GRAMD1B: variants seen among roughly 807,000 people sequenced by gnomAD.
GRAMD1B encodes GRAM domain containing 1B.
In GRAMD1B, 37 loss-of-function variants were observed where a neutral mutation model predicts 99.7. The ratio of observed to expected loss-of-function variants is 0.37; its 90% confidence interval spans 0.29 to 0.49. The LOEUF (loss-of-function observed/expected upper bound fraction) is 0.49. GRAMD1B is among the 20% of genes least tolerant of loss of function. The probability of loss-of-function intolerance (pLI) is 0.98; values close to 1 mark genes in which losing one functional copy is unlikely to be tolerated. For synonymous variants in GRAMD1B, 427 were observed against 387.6 expected (o/e 1.10, Z -1.19); for missense variants, 888 against 1,009.2 (o/e 0.88, Z 1.63).
chr11:123,523,345 A>T lies in GRAMD1B; in HGVS notation c.452+42452A>T, dbSNP rs76658348. On this transcript the variant is annotated intron_variant, in intron 2 of 19. Transcript: ENST00000635736. ...AGACTCCATCTCAAAATAAATAAATAAATTAAAAAGACACTACAGTTAGTC... is the reference window on the plus strand; with the variant it reads ...AGACTCCATCTCAAAATAAATAAATTAATTAAAAAGACACTACAGTTAGTC... Among the ~76,000 whole-genome samples, 1,269 of 152,290 alleles carry T rather than the reference A, an allele frequency of 8.3e-3. 16 individuals are homozygous for T. The highest frequency in any genetic ancestry group is 0.028 in the African/African-American group (1,180 of 41,550).
At position 123,561,795 on chromosome 11, in the gene GRAMD1B, C is replaced by T. The variant is rs17127460; in HGVS notation, c.453-15572C>T. On this transcript the variant is annotated intron_variant, in intron 2 of 19. Coordinates refer to ENST00000635736, the MANE Select transcript of GRAMD1B (RefSeq NM_001387025.1). ...TCTAGCCTTTGCCTTGGATAGCACT[C>T]GGCAGGTTAGAGAAGTTTGGAACCA... 7.6e-3 allele frequency among the ~76,000 whole-genome samples: 1,162 copies of T among 152,224 alleles called. 12 individuals carry two copies. Among genetic ancestry groups the T allele is most frequent in the African/African-American group, 0.026 (1,098 of 41,528 alleles).
At chr11:123,561,110 T>C (rs1946717092) in intron 2 of GRAMD1B, among the ~76,000 whole-genome samples, 1 of 152,124 alleles carries the variant, frequency 6.6e-6, no homozygotes, top group Non-Finnish European at 1.5e-5. Flanking sequence ...AGGGTGATGA[T>C]GGTCTCCTTG....
Position 123,588,071 on chromosome 11 carries a change from G to T in GRAMD1B, c.684+3739G>T, listed in dbSNP as rs993329942. Reference sequence around the variant, plus strand: ...GCCTCAGTCTCCCTTTCCCTCCTTTGCTCAGTTACGTCCTCGTCTCCCGTC... The same window carrying T: ...GCCTCAGTCTCCCTTTCCCTCCTTTTCTCAGTTACGTCCTCGTCTCCCGTC... On this transcript the variant is annotated intron_variant, in intron 4 of 19. Transcript: ENST00000635736. Among the ~76,000 whole-genome samples, 17 of 136,380 alleles carry T rather than the reference G, an allele frequency of 1.2e-4. No individual in the cohort carries two copies. In the Admixed American group the frequency reaches 1.4e-3, roughly 11 times the overall value. 89.5% of individuals were successfully genotyped at this position (136,380 alleles called of 152,430 possible).
intron 1 of GRAMD1B, among the ~76,000 whole-genome samples, chr11:123,463,702 G>A (rs905363870): frequency 3.3e-5 from 5 of 152,194 alleles, no homozygotes; most frequent in Non-Finnish European, 5.9e-5. Flanking sequence ...CAAGGGAAGG[G>A]ACAGGCCTCT....
intron 1 of GRAMD1B, chr11:123,431,949 G>T (rs1948914046): frequency 2.5e-6 from 1 of 396,906 alleles, no homozygotes; most frequent in South Asian, 1.3e-4. Flanking sequence ...CCCTTGCCTG[G>T]TGGAGGGCAG....
chr11:123,389,195 T>C (rs1207680448), intron 1 of GRAMD1B, among the ~76,000 whole-genome samples: 1 of 151,936 alleles, frequency 6.6e-6, no homozygotes, highest in African/African-American at 2.4e-5. Flanking sequence ...CCATCCTGGC[T>C]AACATGGTGA....
chr11:123,497,204 C>G (rs1318260649), intron 2 of GRAMD1B, among the ~76,000 whole-genome samples: 1 of 152,162 alleles, frequency 6.6e-6, no homozygotes, highest in Non-Finnish European at 1.5e-5. Context: ...TGGAGAACAT[C>G]AAGAAGAATT....
intron 1 of GRAMD1B, among the ~76,000 whole-genome samples, chr11:123,449,714 CTT>C (rs767104181): frequency 2.8e-4 from 28 of 99,912 alleles, no homozygotes; most frequent in Admixed American, 4.9e-4. Flanking sequence ...CCATGCCTGG[CTT>C]TTTTTTTTTT....
In GRAMD1B at chr11:123,610,347, T is replaced by TGTGGAAGTCCCA; in HGVS notation, c.1919+13_1919+24dup. 1 of 1,613,656 alleles carries TGTGGAAGTCCCA rather than the reference T, an allele frequency of 6.2e-7. No homozygotes were observed. The highest frequency in any genetic ancestry group is 8.5e-7 in the Non-Finnish European group (1 of 1,179,640). On this transcript the variant is annotated intron_variant, in intron 14 of 19. Transcript: ENST00000635736. The surrounding 1 kb of genome is among the most constrained non-coding windows in gnomAD (Gnocchi z 4.1). Reference sequence around the variant, plus strand: ...AACAAGAGCCGACTCAGGTGTGGTGTGTGGAAGTCCCAGTGCGGTCAGACG... The same window carrying TGTGGAAGTCCCA: ...AACAAGAGCCGACTCAGGTGTGGTGTGTGGAAGTCCCAGTGGAAGTCCCAGTGCGGTCAGACG...
At position 123,610,487 on chromosome 11, in the gene GRAMD1B, A is replaced by C. The variant is rs908402756; in HGVS notation, c.1919+149A>C. ...TTCTCTCCGAAGCCTTATGAGGCTCACCCACCACTCTGTTTGAGTTAATTA... is the reference window on the plus strand; with the variant it reads ...TTCTCTCCGAAGCCTTATGAGGCTCCCCCACCACTCTGTTTGAGTTAATTA... On this transcript the variant is annotated intron_variant, in intron 14 of 19. Coordinates refer to ENST00000635736, the MANE Select transcript of GRAMD1B (RefSeq NM_001387025.1). This position sits in a 1 kb window ranked among gnomAD's most constrained non-coding sequence, Gnocchi z 4.1. 3.0e-5 allele frequency: 22 copies of C among 731,130 alleles called. No homozygotes were observed. Among genetic ancestry groups the C allele is most frequent in the East Asian group, 1.8e-4 (7 of 39,178 alleles). The allele number at this position is 731,130 out of a possible 1,614,324, so 45.3% of individuals were successfully genotyped here.
intron 2 of GRAMD1B, among the ~76,000 whole-genome samples, chr11:123,569,107 A>G (rs531228863): frequency 8.0e-6 from 1 of 124,436 alleles, no homozygotes; most frequent in South Asian, 3.1e-4. Flanking sequence ...CTTGGTGGAC[A>G]GTCGTGTCAT....
At chr11:123,461,992 G>T (rs7112980) in intron 1 of GRAMD1B, among the ~76,000 whole-genome samples, 6 of 143,180 alleles carry the variant, frequency 4.2e-5, no homozygotes, top group Non-Finnish European at 9.1e-5. Flanking sequence ...TTTGAAATGG[G>T]ATCTTGCTCT....
intron 2 of GRAMD1B, among the ~76,000 whole-genome samples, chr11:123,489,398 A>G (rs1938285726): frequency 6.6e-6 from 1 of 152,218 alleles, no homozygotes; most frequent in South Asian, 2.1e-4. Flanking sequence ...ATGGAAGAGC[A>G]CAGCAATGAG....
chr11:123,589,216 G>A (rs994138016), intron 4 of GRAMD1B, among the ~76,000 whole-genome samples: 1 of 151,686 alleles, frequency 6.6e-6, no homozygotes, highest in African/African-American at 2.4e-5. Context: ...CACGGCAAGT[G>A]CAGTAGAAGA....
At chr11:123,541,105 C>G (rs959299005) in intron 2 of GRAMD1B, among the ~76,000 whole-genome samples, 1 of 152,142 alleles carries the variant, frequency 6.6e-6, no homozygotes, top group Non-Finnish European at 1.5e-5. Flanking sequence ...TCCCGAGTAG[C>G]TGGTATTACA....
At chr11:123,597,110 A>G (rs1951362252) in intron 7 of GRAMD1B, among the ~76,000 whole-genome samples, 1 of 150,600 alleles carries the variant, frequency 6.6e-6, no homozygotes, top group Non-Finnish European at 1.5e-5. Context: ...CTGCAGGCCA[A>G]TTCCAAAGAG....
intron 1 of GRAMD1B, among the ~76,000 whole-genome samples, chr11:123,441,237 G>A (rs1210266379): frequency 6.6e-6 from 1 of 151,884 alleles, no homozygotes; most frequent in Non-Finnish European, 1.5e-5. Context: ...AACTAAGAAT[G>A]AGTACTCACT....
At chr11:123,519,459 G>A (rs1013053729) in intron 2 of GRAMD1B, among the ~76,000 whole-genome samples, 1 of 152,172 alleles carries the variant, frequency 6.6e-6, no homozygotes, top group African/African-American at 2.4e-5. Context: ...GGAGTGTTTA[G>A]GAGGCTGTTC....
chr11:123,510,360 G>A lies in GRAMD1B; in HGVS notation c.452+29467G>A, dbSNP rs1940869896. ...TGTGCCCTCTCCCTCTCAACAGGGG[G>A]AGCCTGGGAAGACCCACACTTCGCT... On this transcript the variant is annotated intron_variant, in intron 2 of 19. Transcript: ENST00000635736. This position sits in a 1 kb window ranked among gnomAD's most constrained non-coding sequence, Gnocchi z 4.3. 6.6e-6 allele frequency among the ~76,000 whole-genome samples: 1 copy of A among 152,096 alleles called. No homozygotes were observed. The highest frequency in any genetic ancestry group is 6.5e-5 in the Admixed American group (1 of 15,282).
Sources: allele counts gnomAD v4.1 joint callset (sites outside exome capture counted in the v4.1 genomes callset), GRCh38; gene constraint gnomAD v4.1.1; non-coding constraint Gnocchi (gnomAD v3.1); transcripts MANE v1.5; gene names NCBI Gene and HGNC (gene_info 2026-07-23, HGNC 2026-07-21).